UBE2Z: variants seen among roughly 807,000 people sequenced by gnomAD.
UBE2Z encodes the protein ubiquitin conjugating enzyme E2 Z.
Under a neutral mutation model 32.6 loss-of-function variants are expected in UBE2Z, and 10 were observed. The observed-to-expected ratio is 0.31, with a 90% CI of 0.19 to 0.52. The LOEUF (loss-of-function observed/expected upper bound fraction) is 0.52, where lower values mean the gene tolerates loss of function less well. Ranked by LOEUF, UBE2Z falls within the 20% of genes least tolerant of loss-of-function variation. The pLI is 0.97. For missense variants in UBE2Z, 343 were observed against 480.9 expected, an observed-to-expected ratio of 0.71 and a Z score of 2.68; for synonymous variants, 183 against 190.8, an observed-to-expected ratio of 0.96 and a Z score of 0.34.
Position 48,916,171 on chromosome 17 carries a change from A to C in UBE2Z, c.674A>C (p.Glu225Ala). ...ATGACTGAGAACCCCTATCACAATG[A>C]GCCCGGCTTTGAACAGGTAAGGCCA... The part of the protein sequence containing the change: ...SLMTENPYHN[E>A]PGFEQERHPG... Residue 225 changes from glutamate (E) to alanine (A), a missense_variant, in exon 4 of 7, where the codon GAG becomes GCG. Glu to Ala is a moderately radical substitution (Grantham distance 107, BLOSUM62 -1). This residue lies in a region of UBE2Z where 182 missense variants were observed against 312.4 expected (regional missense o/e 0.58). Transcript: ENST00000360943. 1 of 1,572,882 alleles carries C rather than the reference A, an allele frequency of 6.4e-7. No homozygotes were observed. Among genetic ancestry groups the C allele is most frequent in the Non-Finnish European group, 8.6e-7 (1 of 1,163,016 alleles).
intron 3 of UBE2Z, 30 bp downstream of exon 3, chr17:48,913,051 G>A (rs373300959): frequency 1.2e-5 from 20 of 1,603,930 alleles, no homozygotes; most frequent in African/African-American, 6.7e-5. Flanking sequence ...TAGCCAAGTC[G>A]GTTGTTAGCA....
intron 4 of UBE2Z, among the ~76,000 whole-genome samples, chr17:48,917,802 C>G (rs2040730898): frequency 1.3e-5 from 2 of 152,062 alleles, no homozygotes. Context: ...AGGATAGGAC[C>G]CCAGACTTAC....
chr17:48,926,828 C>T, intron 6 of UBE2Z, 136 bp from the exon 7 acceptor site: 1 of 918,744 alleles, frequency 1.1e-6, no homozygotes, highest in South Asian at 1.8e-5. Flanking sequence ...CTGTTTGGGA[C>T]TGCCTGTGCT....
Position 48,908,499 on chromosome 17 carries a change from C to T in UBE2Z, c.-5C>T, listed in dbSNP as rs1039740319. The T allele has an allele frequency of 2.8e-5, 35 of 1,233,838 alleles. No individual in the cohort carries two copies. The highest frequency in any genetic ancestry group is 3.4e-5 in the Non-Finnish European group (34 of 988,324). The allele number at this position is 1,233,838 out of a possible 1,614,324, so 76.4% of individuals were successfully genotyped here. A position where few individuals can be genotyped will look rare whatever the true frequency, so the allele number is the denominator to read the frequency against. On this transcript the variant is annotated 5_prime_UTR_variant, in exon 1 of 7. Coordinates refer to ENST00000360943, the MANE Select transcript of UBE2Z (RefSeq NM_023079.5). ...CTGCCGAGTAGTCCCGGAAGCGAAG[C>T]AGCGATGGCGGAGAGTCCGACTGAG... is the stretch of plus-strand genomic sequence containing the variant.
chr17:48,921,204 G>A lies in UBE2Z; in HGVS notation c.735G>A (p.Arg245=), dbSNP rs1486969481. 1.2e-6 allele frequency: 2 copies of A among 1,612,686 alleles called. No individual in the cohort carries two copies. Among genetic ancestry groups the A allele is most frequent in the East Asian group, 4.5e-5 (2 of 44,862 alleles). Reference sequence around the variant, plus strand: ...GCAAAAACTATAATGAATGTATCCGGCACGAGACCATCAGAGTTGCAGTCT... The same window carrying A: ...GCAAAAACTATAATGAATGTATCCGACACGAGACCATCAGAGTTGCAGTCT... ...GDSKNYNECI[R]HETIRVAVCD... The change falls in exon 5 of 7, where the codon CGG becomes CGA. Residue 245 remains arginine, a synonymous_variant. Transcript: ENST00000360943.
chr17:48,927,316 T>C lies in UBE2Z; in HGVS notation c.*182T>C, dbSNP rs952744978. On this transcript the variant is annotated 3_prime_UTR_variant, in exon 7 of 7. Coordinates refer to ENST00000360943, the MANE Select transcript of UBE2Z (RefSeq NM_023079.5). ...GTGGGGGCCTGTTCCCGGTCTGACC[T>C]CCTTGGCACTGGAGCATCTGGGGCT... 2 of 634,354 alleles carry C rather than the reference T, an allele frequency of 3.2e-6. No homozygotes were observed. The highest frequency in any genetic ancestry group is 5.6e-5 in the East Asian group (2 of 35,816). The allele number at this position is 634,354 out of a possible 1,614,324, so 39.3% of individuals were successfully genotyped here.
chr17:48,920,915 G>A (rs2143771385), intron 4 of UBE2Z, among the ~76,000 whole-genome samples: 1 of 152,002 alleles, frequency 6.6e-6, no homozygotes, highest in Non-Finnish European at 1.5e-5. Context: ...AAAATATGAT[G>A]GATCTAGTTT....
Position 48,927,283 on chromosome 17 carries a change from G to T in UBE2Z, c.*149G>T. On this transcript the variant is annotated 3_prime_UTR_variant, in exon 7 of 7. Transcript: ENST00000360943. The stretch of plus-strand genomic sequence containing the variant: ...GAACCAAGCAAGCTCCGATCCCAGG[G>T]TGTGGGAGTGGGGGCCTGTTCCCGG... 1 of 835,580 alleles carries T rather than the reference G, an allele frequency of 1.2e-6. No individual in the cohort carries two copies. The highest frequency in any genetic ancestry group is 1.8e-6 in the Non-Finnish European group (1 of 546,828). The allele number at this position is 835,580 out of a possible 1,614,324, so 51.8% of individuals were successfully genotyped here. A position where few individuals can be genotyped will look rare whatever the true frequency, so the allele number is the denominator to read the frequency against.
At position 48,921,188 on chromosome 17, in the gene UBE2Z, A is replaced by G. The variant is rs762560070; in HGVS notation, c.719A>G (p.Tyr240Cys). ...AGACATCCAGGAGACAGCAAAAACT[A>G]TAATGAATGTATCCGGCACGAGACC... ...QERHPGDSKNYNECIRHETIR... is the reference protein window; with the variant it reads ...QERHPGDSKNCNECIRHETIR... The change falls in exon 5 of 7, where the codon TAT (tyrosine) becomes TGT (cysteine). Residue 240 changes from tyrosine to cysteine, a missense_variant. By Grantham distance (194) the Tyr-to-Cys change is radical. This residue lies in a region of UBE2Z where 182 missense variants were observed against 312.4 expected (regional missense o/e 0.58). Transcript: ENST00000360943. 3 of 1,612,426 alleles carry G rather than the reference A, an allele frequency of 1.9e-6. No homozygotes were observed. Among genetic ancestry groups the G allele is most frequent in the Non-Finnish European group, 2.5e-6 (3 of 1,179,252 alleles).
rs2040647564 is a variant in UBE2Z, at chr17:48,908,645, G to A, written c.142G>A (p.Ala48Thr). ...GCCTTTCCTGCCGGATGTGTGGGCG[G>A]CGGCGGCGGCAGCGGGCGGGGCCGG... Reference protein sequence around the residue: ...GPPFLPDVWAAAAAAGGAGGP... With the variant: ...GPPFLPDVWATAAAAGGAGGP... Residue 48 changes from alanine (A) to threonine (T), a missense_variant, in exon 1 of 7, where the codon GCG becomes ACG. This residue lies in a region of UBE2Z where 103 missense variants were observed against 96.2 expected (regional missense o/e 1.07). Coordinates refer to ENST00000360943, the MANE Select transcript of UBE2Z (RefSeq NM_023079.5). 4.9e-6 allele frequency: 6 copies of A among 1,227,212 alleles called. No homozygotes were observed. The highest frequency in any genetic ancestry group is 6.1e-6 in the Non-Finnish European group (6 of 983,124). 76.0% of individuals were successfully genotyped at this position (1,227,212 alleles called of 1,614,324 possible). A position where few individuals can be genotyped will look rare whatever the true frequency, so the allele number is the denominator to read the frequency against.
rs1018576329 is a variant in UBE2Z at position 48,915,870 on chromosome 17, C to G, written c.579-206C>G. On this transcript the variant is annotated intron_variant, in intron 3 of 6. Transcript: ENST00000360943. ...TTGCTATTACCTGTTCTTTTGCCCC[C>G]CCCCCTTGATTTGAGGATTAGGCAA... 4 of 332,974 alleles carry G rather than the reference C, an allele frequency of 1.2e-5. 1 individual carries two copies. The highest frequency in any genetic ancestry group is 5.7e-5 in the Admixed American group (1 of 17,560). 20.6% of individuals were successfully genotyped at this position (332,974 alleles called of 1,614,324 possible). A position where few individuals can be genotyped will look rare whatever the true frequency, so the allele number is the denominator to read the frequency against.
At chr17:48,912,535 G>A in intron 2 of UBE2Z, 2 of 312,812 alleles carry the variant, frequency 6.4e-6, no homozygotes, top group Non-Finnish European at 1.2e-5. Context: ...AATGCTTTAA[G>A]AGAGTTTTAG....
intron 3 of UBE2Z, among the ~76,000 whole-genome samples, chr17:48,914,165 C>T (rs2040702384): frequency 1.3e-5 from 2 of 152,102 alleles, no homozygotes; most frequent in African/African-American, 4.8e-5. Flanking sequence ...ATTTTAGTTG[C>T]CTTTGGGGGC....
At chr17:48,925,774 G>A (rs1457840524) in intron 6 of UBE2Z, among the ~76,000 whole-genome samples, 1 of 152,182 alleles carries the variant, frequency 6.6e-6, no homozygotes, top group African/African-American at 2.4e-5. Flanking sequence ...GTGGAGCTCA[G>A]TCTTGAGGGA....
intron 1 of UBE2Z, 39 bp downstream of exon 1, chr17:48,908,859 G>A: frequency 2.1e-6 from 3 of 1,418,662 alleles, no homozygotes; most frequent in Non-Finnish European, 2.8e-6. Context: ...CCGAGCTCCG[G>A]GGCTCGACCT....
chr17:48,914,760 C>T (rs2040707710), intron 3 of UBE2Z, among the ~76,000 whole-genome samples: 1 of 152,192 alleles, frequency 6.6e-6, no homozygotes, highest in African/African-American at 2.4e-5. Flanking sequence ...TGCGGTGGCT[C>T]ACACCTGTAA....
At chr17:48,917,624 C>G (rs2040729880) in intron 4 of UBE2Z, among the ~76,000 whole-genome samples, 1 of 152,172 alleles carries the variant, frequency 6.6e-6, no homozygotes, top group South Asian at 2.1e-4. Context: ...GTGGAGAAAA[C>G]TCACATTTTT....
At chr17:48,926,550 C>T (rs1418058267) in intron 6 of UBE2Z, among the ~76,000 whole-genome samples, 2 of 150,142 alleles carry the variant, frequency 1.3e-5, no homozygotes, top group Non-Finnish European at 2.9e-5. Context: ...ATCTCGATCT[C>T]AGCTGACTGC....
chr17:48,909,949 A>C (rs1304308740), intron 1 of UBE2Z, among the ~76,000 whole-genome samples: 2 of 152,134 alleles, frequency 1.3e-5, no homozygotes, highest in Non-Finnish European at 2.9e-5. Context: ...TGCCACCTCT[A>C]ACTGAAACTC....
Sources: allele counts gnomAD v4.1 joint callset (sites outside exome capture counted in the v4.1 genomes callset), GRCh38; gene constraint gnomAD v4.1.1; regional missense constraint gnomAD v4.1.1; transcripts MANE v1.5; gene names NCBI Gene and HGNC (gene_info 2026-07-23, HGNC 2026-07-21).